Variants in CHRNA9 observed in about 807,000 individuals in gnomAD.
The protein encoded by CHRNA9 is neuronal acetylcholine receptor subunit alpha-9.
In CHRNA9, 24 loss-of-function variants were observed where a neutral mutation model predicts 36.8. That is an observed-to-expected ratio of 0.65 (90% CI 0.47 to 0.92). The LOEUF (loss-of-function observed/expected upper bound fraction) is 0.92. Among genes scored for constraint, CHRNA9 ranks in the 40% least tolerant of loss-of-function variants. CHRNA9 has a pLI of 0.00. For synonymous variants in CHRNA9, 231 were observed against 231.8 expected (o/e 1.00, Z 0.03); for missense variants, 610 against 601.2 (o/e 1.01, Z -0.15).
chr4:40,338,004 C>T (rs1397882988), intron 3 of CHRNA9: 1 of 152,170 alleles, frequency 6.6e-6, no homozygotes, highest in Non-Finnish European at 1.5e-5. Context: ...CAAATCAAGT[C>T]ACATTCTGAG....
At chr4:40,343,109 C>T (rs764370206) in intron 3 of CHRNA9, among the ~76,000 whole-genome samples, 55 of 152,176 alleles carry the variant, frequency 3.6e-4, no homozygotes, top group Non-Finnish European at 3.1e-4. Context: ...CATTTACCAG[C>T]CTGCTCCTCT....
intron 4 of CHRNA9, 165 bp downstream of exon 4, chr4:40,349,579 G>T: frequency 1.6e-6 from 1 of 634,098 alleles, no homozygotes. Flanking sequence ...TTTCAATATA[G>T]ATGAGCCTTT....
Position 40,335,530 on chromosome 4 carries a change from A to C in CHRNA9, c.63A>C (p.Arg21Ser). The C allele has an allele frequency of 6.2e-7, 1 of 1,610,680 alleles. No homozygotes were observed. Among genetic ancestry groups the C allele is most frequent in the Non-Finnish European group, 8.5e-7 (1 of 1,176,798 alleles). The change falls in exon 1 of 5, where the codon AGA becomes AGC. Residue 21 changes from arginine to serine, a missense_variant and splice_region_variant. Transcript: ENST00000310169. ...TCTACTTTGCTGCTTCCAGACTGAGAGGTGAGAGGCTGGTGACACGTAACC... is the reference window on the plus strand; with the variant it reads ...TCTACTTTGCTGCTTCCAGACTGAGCGGTGAGAGGCTGGTGACACGTAACC... ...CWIYFAASRLRAAETADGKYA... is the reference protein window; with the variant it reads ...CWIYFAASRLSAAETADGKYA...
chr4:40,351,812 A>T (rs1392441893), intron 4 of CHRNA9, among the ~76,000 whole-genome samples: 1 of 152,238 alleles, frequency 6.6e-6, no homozygotes, highest in Admixed American at 6.5e-5. Flanking sequence ...ACTCTTTTGT[A>T]TAACTGGACC....
At chr4:40,337,452 C>T in intron 3 of CHRNA9, 88 bp downstream of exon 3, 1 of 1,418,576 alleles carries the variant, frequency 7.0e-7, no homozygotes, top group Non-Finnish European at 9.6e-7. Flanking sequence ...ATGTTTAAAA[C>T]ATGCATGAAA....
rs780714642 is a variant in CHRNA9, at chr4:40,335,526, T to C, written c.59T>C (p.Leu20Pro). 2.5e-6 allele frequency: 4 copies of C among 1,610,576 alleles called. No homozygotes were observed. In the East Asian group the frequency reaches 8.9e-5, roughly 36 times the overall value. ...TGGATCTACTTTGCTGCTTCCAGAC[T>C]GAGAGGTGAGAGGCTGGTGACACGT... is the stretch of plus-strand genomic sequence containing the variant. ...FCWIYFAASR[L>P]RAAETADGKY... The change falls in exon 1 of 5, where the codon CTG becomes CCG. Residue 20 changes from leucine (L) to proline (P), a missense_variant. Transcript: ENST00000310169.
intron 3 of CHRNA9, among the ~76,000 whole-genome samples, chr4:40,344,686 C>T (rs1712588607): frequency 6.6e-6 from 1 of 152,026 alleles, no homozygotes; most frequent in East Asian, 1.9e-4. Flanking sequence ...TATAACCCAC[C>T]TAAGGTTATG....
At position 40,354,858 on chromosome 4, in the gene CHRNA9, GCAAAA is replaced by G; in HGVS notation, c.*348_*352del. 5.3e-6 allele frequency: 1 copy of G among 189,474 alleles called. No individual in the cohort carries two copies. Among genetic ancestry groups the G allele is most frequent in the Non-Finnish European group, 1.1e-5 (1 of 90,564 alleles). The allele number at this position is 189,474 out of a possible 1,614,324, so 11.7% of individuals were successfully genotyped here. A position where few individuals can be genotyped will look rare whatever the true frequency, so the allele number is the denominator to read the frequency against. ...ACTGGTAAAATTTAAAACAAAAAAG[GCAAAA>G]CAAAACAAACTCATTTTCCCCTTAG... On this transcript the variant is annotated 3_prime_UTR_variant, in exon 5 of 5. Coordinates refer to ENST00000310169, the MANE Select transcript of CHRNA9 (RefSeq NM_017581.4).
chr4:40,343,237 C>T (rs1340010485), intron 3 of CHRNA9, among the ~76,000 whole-genome samples: 7 of 152,104 alleles, frequency 4.6e-5, no homozygotes, highest in Non-Finnish European at 1.0e-4. Context: ...GAGGGGGCTG[C>T]CTGTATTGGT....
At chr4:40,347,618 A>C (rs1712671276) in intron 3 of CHRNA9, among the ~76,000 whole-genome samples, 1 of 152,180 alleles carries the variant, frequency 6.6e-6, no homozygotes, top group Non-Finnish European at 1.5e-5. Flanking sequence ...GATTTATAGA[A>C]AAGTTGCAAA....
Position 40,354,194 on chromosome 4 carries a change from A to G in CHRNA9, c.1114A>G (p.Lys372Glu), listed in dbSNP as rs199876894. ...CAGTAGAGAGCGGGACCACCTCACG[A>G]AAGTTTATAGCAAACTCCCAGAGTC... is the stretch of plus-strand genomic sequence containing the variant. ...HHSRERDHLT[K>E]VYSKLPESNL... The change falls in exon 5 of 5, where the codon AAA (lysine) becomes GAA (glutamate). Residue 372 changes from lysine to glutamate, a missense_variant. Coordinates refer to ENST00000310169, the MANE Select transcript of CHRNA9 (RefSeq NM_017581.4). The G allele has an allele frequency of 4.3e-5, 69 of 1,614,230 alleles. No individual in the cohort carries two copies. Among genetic ancestry groups the G allele is most frequent in the Non-Finnish European group, 5.6e-5 (66 of 1,180,036 alleles).
Position 40,335,409 on chromosome 4 carries a change from G to A in CHRNA9, c.-59G>A, listed in dbSNP as rs1306691068. On this transcript the variant is annotated 5_prime_UTR_variant, in exon 1 of 5. Coordinates refer to ENST00000310169, the MANE Select transcript of CHRNA9 (RefSeq NM_017581.4). ...GTGCCCAGATCCTTTGTATTCATAG[G>A]GGGAAGTGGAAGACCACGCTGCCTG... The A allele has an allele frequency of 1.7e-5, 21 of 1,260,356 alleles. No homozygotes were observed. In the East Asian group the frequency reaches 4.4e-4, roughly 26 times the overall value. The allele number at this position is 1,260,356 out of a possible 1,614,324, so 78.1% of individuals were successfully genotyped here. A position where few individuals can be genotyped will look rare whatever the true frequency, so the allele number is the denominator to read the frequency against.
At chr4:40,337,026 GA>G (rs182073550) in intron 2 of CHRNA9, among the ~76,000 whole-genome samples, 183 bp from the exon 3 acceptor site, 1,787 of 151,772 alleles carry the variant, frequency 0.012, 39 homozygotes, top group African/African-American at 0.037. Flanking sequence ...AATCTAGGAG[GA>G]AAAAAAATAT....
chr4:40,338,813 C>G (rs147967244), intron 3 of CHRNA9, among the ~76,000 whole-genome samples: 7 of 152,066 alleles, frequency 4.6e-5, no homozygotes, highest in African/African-American at 1.7e-4. Flanking sequence ...CTCCAGTTTA[C>G]CCTCCCTCCC....
rs946886349 is a variant in CHRNA9 at position 40,355,078 on chromosome 4, A to G, written c.*558A>G. The stretch of plus-strand genomic sequence containing the variant: ...TAATGGGGAAAAGAACTTTCTTCAT[A>G]ATGGTGATGTCGTATATGTTGGTTA... On this transcript the variant is annotated 3_prime_UTR_variant, in exon 5 of 5. Transcript: ENST00000310169. The G allele has an allele frequency of 2.6e-5, 4 of 152,732 alleles. No individual in the cohort carries two copies. The highest frequency in any genetic ancestry group is 5.8e-5 in the Non-Finnish European group (4 of 68,436). The allele number at this position is 152,732 out of a possible 1,614,324, so 9.5% of individuals were successfully genotyped here.
At chr4:40,339,497 A>G (rs1192220707) in intron 3 of CHRNA9, among the ~76,000 whole-genome samples, 2 of 151,210 alleles carry the variant, frequency 1.3e-5, no homozygotes, top group Non-Finnish European at 2.9e-5. Context: ...CCTGGCTAAC[A>G]TGGTGAAACC....
rs1712723489 is a variant in CHRNA9, at chr4:40,349,160, TCTC to T, written c.647_649del (p.Ser216del). The T allele has an allele frequency of 1.2e-6, 2 of 1,614,056 alleles. No individual in the cohort carries two copies. Among genetic ancestry groups the T allele is most frequent in the African/African-American group, 2.7e-5 (2 of 74,914 alleles). The stretch of plus-strand genomic sequence containing the variant: ...GGCATGCCCGCTGTGAAGAATGTGA[TCTC>T]CTATGGCTGCTGCTCTGAGCCTTAC... On this transcript the variant is annotated inframe_deletion, in exon 4 of 5. Coordinates refer to ENST00000310169, the MANE Select transcript of CHRNA9 (RefSeq NM_017581.4).
At chr4:40,351,060 G>A (rs979464545) in intron 4 of CHRNA9, among the ~76,000 whole-genome samples, 19 of 151,184 alleles carry the variant, frequency 1.3e-4, no homozygotes, top group Middle Eastern at 3.2e-3. Flanking sequence ...AATGAAGGCC[G>A]GGCTTGGTAG....
chr4:40,349,190 C>T lies in CHRNA9; in HGVS notation c.674C>T (p.Pro225Leu), dbSNP rs751009405. 5.0e-6 allele frequency: 8 copies of T among 1,614,048 alleles called. No individual in the cohort carries two copies. Among genetic ancestry groups the T allele is most frequent in the African/African-American group, 4.0e-5 (3 of 74,920 alleles). Reference sequence around the variant, plus strand: ...TATGGCTGCTGCTCTGAGCCTTACCCGGATGTCACATTCACCCTCCTTCTG... The same window carrying T: ...TATGGCTGCTGCTCTGAGCCTTACCTGGATGTCACATTCACCCTCCTTCTG... ...ISYGCCSEPY[P>L]DVTFTLLLKR... The change falls in exon 4 of 5, where the codon CCG becomes CTG. Residue 225 changes from proline (P) to leucine (L), a missense_variant. Transcript: ENST00000310169.
Sources: gnomAD v4.1 joint callset for allele counts (sites outside exome capture counted in the v4.1 genomes callset) on GRCh38, gnomAD v4.1.1 for gene constraint, MANE v1.5 for transcripts, NCBI Gene and HGNC (gene_info 2026-07-23, HGNC 2026-07-21) for gene names.